The following ANK2 variants were observed in gnomAD, a reference collection of about 807,000 sequenced individuals.
ANK2 encodes the protein ankyrin-2.
In ANK2, 83 loss-of-function variants were observed where a neutral mutation model predicts 360.5. The observed-to-expected ratio is 0.23, with a 90% CI of 0.19 to 0.28. The LOEUF is 0.28. Ranked by LOEUF, ANK2 falls within the 10% of genes least tolerant of loss-of-function variation. The pLI is 1.00. For missense variants in ANK2, 4,201 were observed against 4,795.7 expected (o/e 0.88, Z 3.66); for synonymous variants, 1,740 against 1,759.5 (o/e 0.99, Z 0.28).
At chr4:113,320,946 A>C (rs968962697) in intron 26 of ANK2, among the ~76,000 whole-genome samples, 1 of 152,318 alleles carries the variant, frequency 6.6e-6, no homozygotes, top group Admixed American at 6.5e-5. Flanking sequence ...CCAGGTACTA[A>C]GAAAAAAGCT....
rs561461204 is a variant in ANK2 at position 113,382,025 on chromosome 4, A to G, written c.*554A>G. 4.6e-6 allele frequency: 1 copy of G among 218,816 alleles called. No individual in the cohort carries two copies. Among genetic ancestry groups the G allele is most frequent in the South Asian group, 8.2e-5 (1 of 12,262 alleles). The allele number at this position is 218,816 out of a possible 1,614,324, so 13.6% of individuals were successfully genotyped here. On this transcript the variant is annotated 3_prime_UTR_variant, in exon 46 of 46. Coordinates refer to ENST00000357077, the MANE Select transcript of ANK2 (RefSeq NM_001148.6). ...CAAGGAATATCTATGTACAATGTAT[A>G]TAGCTGAAATGCTCAGATGAACAAC...
At chr4:113,022,138 C>A (rs1242436006) in intron 2 of ANK2, among the ~76,000 whole-genome samples, 1 of 152,118 alleles carries the variant, frequency 6.6e-6, no homozygotes, top group Non-Finnish European at 1.5e-5. Context: ...GAAAATAGGG[C>A]AAATTATCAA....
chr4:113,372,599 G>T (rs780520880), intron 43 of ANK2: 29 of 1,535,776 alleles, frequency 1.9e-5, no homozygotes, highest in South Asian at 1.2e-4. Context: ...AACTACCAGG[G>T]TTGTCCGCCG....
chr4:113,216,891 A>AC (rs1047134938), intron 4 of ANK2, among the ~76,000 whole-genome samples: 24 of 147,690 alleles, frequency 1.6e-4, no homozygotes, highest in African/African-American at 5.7e-4. Flanking sequence ...TTCAAACACT[A>AC]TTTTTTTTTT....
chr4:113,166,183 A>G (rs2097750979), intron 1 of ANK2, among the ~76,000 whole-genome samples: 1 of 152,134 alleles, frequency 6.6e-6, no homozygotes. Context: ...ATAAACACCT[A>G]AGAAAGTTTT....
intron 1 of ANK2, among the ~76,000 whole-genome samples, chr4:113,152,969 A>G (rs2097150503): frequency 6.6e-6 from 1 of 152,198 alleles, no homozygotes; most frequent in Non-Finnish European, 1.5e-5. Flanking sequence ...GCTTTGAGCT[A>G]ATGAATTGTT....
At chr4:112,957,860 G>A (rs1325380332) in intron 2 of ANK2, among the ~76,000 whole-genome samples, 1 of 148,610 alleles carries the variant, frequency 6.7e-6, no homozygotes, top group Non-Finnish European at 1.5e-5. Flanking sequence ...CAGGCAGAGG[G>A]TCTCCTCACT....
chr4:113,372,694 G>T, intron 43 of ANK2: 1 of 1,104,740 alleles, frequency 9.1e-7, no homozygotes, highest in East Asian at 2.6e-5. Context: ...GATCAACCTG[G>T]ATCAATGAAG....
intron 23 of ANK2, among the ~76,000 whole-genome samples, chr4:113,309,790 G>A (rs1259575569): frequency 6.6e-6 from 1 of 152,146 alleles, no homozygotes; most frequent in Non-Finnish European, 1.5e-5. Flanking sequence ...AAAGTGCTGG[G>A]ATTACAGGTG....
At chr4:113,191,093 A>T (rs540410081) in intron 2 of ANK2, among the ~76,000 whole-genome samples, 65 of 152,332 alleles carry the variant, frequency 4.3e-4, no homozygotes, top group Non-Finnish European at 2.9e-5. Context: ...TAATCCCAGC[A>T]CTTTGGGAGG....
intron 18 of ANK2, among the ~76,000 whole-genome samples, chr4:113,286,965 T>C (rs767946599): frequency 6.6e-6 from 1 of 152,206 alleles, no homozygotes; most frequent in Non-Finnish European, 1.5e-5. Flanking sequence ...TTATTATTAA[T>C]TCATAACTGT....
At chr4:113,098,798 A>G (rs2092219277) in intron 1 of ANK2, among the ~76,000 whole-genome samples, 1 of 152,004 alleles carries the variant, frequency 6.6e-6, no homozygotes, top group South Asian at 2.1e-4. Flanking sequence ...AAAGATTTAT[A>G]TACCATTATC....
At chr4:113,031,884 T>C (rs1481320834) in intron 2 of ANK2, among the ~76,000 whole-genome samples, 6 of 151,890 alleles carry the variant, frequency 4.0e-5, no homozygotes, top group Admixed American at 3.9e-4. Flanking sequence ...TTTCTTCTTT[T>C]TTTCCATCTT....
intron 1 of ANK2, among the ~76,000 whole-genome samples, chr4:112,828,524 C>T (rs999757477): frequency 2.6e-5 from 4 of 152,128 alleles, no homozygotes; most frequent in Non-Finnish European, 4.4e-5. Context: ...TGAGCCACCG[C>T]GCCCAGCTGA....
At chr4:113,029,553 GC>G (rs2059966102) in intron 2 of ANK2, among the ~76,000 whole-genome samples, 1 of 152,058 alleles carries the variant, frequency 6.6e-6, no homozygotes, top group African/African-American at 2.4e-5. Context: ...TTAAAAGATA[GC>G]TATAAATGAA....
At chr4:112,792,817 T>C in the ANK2 span, among the ~76,000 whole-genome samples, 1 of 152,290 alleles carries the variant, frequency 6.6e-6, no homozygotes, top group African/African-American at 2.4e-5. Context: ...AGGAGAAGGA[T>C]AGAAAAATTT....
chr4:113,330,554 G>A, intron 27 of ANK2, 84 bp downstream of exon 27: 13 of 1,422,144 alleles, frequency 9.1e-6, no homozygotes, highest in Non-Finnish European at 1.3e-5. Context: ...AATGGAAAAA[G>A]GTACGTCAAA....
chr4:113,363,894 C>G (rs2096383367), intron 40 of ANK2, among the ~76,000 whole-genome samples: 1 of 152,102 alleles, frequency 6.6e-6, no homozygotes. Flanking sequence ...GGGTTAAGTT[C>G]CAGCCACTTG....
chr4:112,743,549 C>G, the ANK2 span, among the ~76,000 whole-genome samples: 1 of 128,736 alleles, frequency 7.8e-6, no homozygotes, highest in East Asian at 2.6e-4. Context: ...TCTCTCTTTT[C>G]TATCCTTTTT....
Sources: allele counts gnomAD v4.1 joint callset (sites outside exome capture counted in the v4.1 genomes callset), GRCh38; gene constraint gnomAD v4.1.1; transcripts MANE v1.5; gene names NCBI Gene and HGNC (gene_info 2026-07-23, HGNC 2026-07-21).